RSRC1: variants seen among roughly 807,000 people sequenced by gnomAD.
RSRC1 encodes the protein serine/Arginine-related protein 53.
Under a neutral mutation model 49.1 loss-of-function variants are expected in RSRC1, and 39 were observed. The ratio of observed to expected loss-of-function variants is 0.79; its 90% CI spans 0.61 to 1.04. The LOEUF is 1.04. Ranked by LOEUF, RSRC1 falls within the 50% of genes least tolerant of loss-of-function variation. RSRC1 has a pLI of 0.00. For synonymous variants in RSRC1, 143 were observed against 130.8 expected, an observed-to-expected ratio of 1.09 and a Z score of -0.63; for missense variants, 388 against 402.4, an observed-to-expected ratio of 0.96 and a Z score of 0.31.
chr3:158,451,026 T>C (rs1377132323), intron 6 of RSRC1, among the ~76,000 whole-genome samples: 2 of 152,016 alleles, frequency 1.3e-5, no homozygotes, highest in East Asian at 3.9e-4. Context: ...TTATATTTCC[T>C]TGAGTTCAAA....
At chr3:158,447,197 T>C (rs558533774) in intron 6 of RSRC1, among the ~76,000 whole-genome samples, 1 of 152,050 alleles carries the variant, frequency 6.6e-6, no homozygotes, top group African/African-American at 2.4e-5. Flanking sequence ...GTGTTAGCCT[T>C]TTTAGTATAG....
intron 6 of RSRC1, among the ~76,000 whole-genome samples, chr3:158,388,252 T>A (rs1733067733): frequency 6.6e-6 from 1 of 151,934 alleles, no homozygotes; most frequent in East Asian, 1.9e-4. Flanking sequence ...AAATTATTTT[T>A]AAAAATTGAT....
chr3:158,509,601 T>G (rs1171628126), intron 7 of RSRC1, among the ~76,000 whole-genome samples: 1 of 152,060 alleles, frequency 6.6e-6, no homozygotes, highest in East Asian at 1.9e-4. Flanking sequence ...CTGGGCAACA[T>G]AGCAAGGCCC....
chr3:158,353,268 A>G (rs1730975284), intron 5 of RSRC1, among the ~76,000 whole-genome samples: 7 of 152,194 alleles, frequency 4.6e-5, no homozygotes. Flanking sequence ...TGCTAGAGTG[A>G]TGTATCAAAG....
intron 6 of RSRC1, among the ~76,000 whole-genome samples, chr3:158,431,033 A>T (rs1432586974): frequency 6.6e-6 from 1 of 151,992 alleles, no homozygotes; most frequent in Non-Finnish European, 1.5e-5. Context: ...CAGTAAAGAA[A>T]TAGCTTAATT....
At chr3:158,261,928 G>A (rs1724917285) in intron 4 of RSRC1, among the ~76,000 whole-genome samples, 1 of 152,116 alleles carries the variant, frequency 6.6e-6, no homozygotes, top group African/African-American at 2.4e-5. Flanking sequence ...TAATTGTAAT[G>A]CACTTGAATC....
chr3:158,496,758 A>T (rs774337670), intron 7 of RSRC1: 6 of 288,402 alleles, frequency 2.1e-5, no homozygotes, highest in Non-Finnish European at 3.7e-5. Flanking sequence ...TTTGTGCTGA[A>T]CACCAAATCT....
intron 5 of RSRC1, chr3:158,303,588 G>C (rs1481283343): frequency 6.6e-6 from 1 of 152,128 alleles, no homozygotes; most frequent in Non-Finnish European, 1.5e-5. Context: ...AATGCTGCTG[G>C]TTCAGTGACC....
chr3:158,426,641 G>C (rs1735461335), intron 6 of RSRC1, among the ~76,000 whole-genome samples: 1 of 151,648 alleles, frequency 6.6e-6, no homozygotes, highest in South Asian at 2.1e-4. Flanking sequence ...TAGTATGTTT[G>C]AAATATCCTT....
intron 1 of RSRC1, among the ~76,000 whole-genome samples, chr3:158,117,843 C>T (rs1714942333): frequency 1.3e-5 from 2 of 150,768 alleles, no homozygotes; most frequent in South Asian, 4.1e-4. Flanking sequence ...TTTGGACTTC[C>T]AGATTGATCC....
chr3:158,452,817 G>A (rs528124175), intron 6 of RSRC1, among the ~76,000 whole-genome samples: 19 of 152,236 alleles, frequency 1.2e-4, no homozygotes, highest in Admixed American at 2.6e-4. Context: ...GAGTTCATGT[G>A]TATTTTTAAA....
intron 6 of RSRC1, among the ~76,000 whole-genome samples, chr3:158,408,688 A>T (rs971863852): frequency 6.6e-6 from 1 of 152,186 alleles, no homozygotes; most frequent in Admixed American, 6.5e-5. Context: ...CATTATCCTT[A>T]GCAAACTAAC....
chr3:158,277,812 A>G (rs1212315053), intron 4 of RSRC1, among the ~76,000 whole-genome samples: 1 of 152,144 alleles, frequency 6.6e-6, no homozygotes, highest in East Asian at 1.9e-4. Flanking sequence ...TAGAGACAGC[A>G]TCTCACTCTG....
rs138439765 is a variant in RSRC1 at position 158,441,154 on chromosome 3, A to C, written c.584-19781A>C. On this transcript the variant is annotated intron_variant, in intron 6 of 9. Transcript: ENST00000611884. ...CCTACAGTCTGTTGGAATGTTAACA[A>C]ATGGAATGATAGGACAATTTCTATG... is the stretch of plus-strand genomic sequence containing the variant. 1.3e-3 allele frequency among the ~76,000 whole-genome samples: 192 copies of C among 152,180 alleles called. 2 individuals carry two copies. The East Asian group carries it at 0.029, about 23-fold the overall frequency.
At chr3:158,354,974 G>C in intron 6 of RSRC1, 66 bp downstream of exon 6, 1 of 1,038,906 alleles carries the variant, frequency 9.6e-7, no homozygotes, top group Non-Finnish European at 1.3e-6. Context: ...CTGGTAGCAT[G>C]CTTAGAAATG....
At chr3:158,311,090 T>C (rs565084346) in intron 5 of RSRC1, among the ~76,000 whole-genome samples, 6 of 152,070 alleles carry the variant, frequency 3.9e-5, no homozygotes, top group Admixed American at 2.6e-4. Flanking sequence ...GTCATTGATA[T>C]GTCTTTCTTA....
At chr3:158,532,364 A>G (rs1260255275) in intron 7 of RSRC1, among the ~76,000 whole-genome samples, 1 of 151,922 alleles carries the variant, frequency 6.6e-6, no homozygotes, top group African/African-American at 2.4e-5. Flanking sequence ...TTTGTAATCT[A>G]CAAATGCAGT....
intron 7 of RSRC1, among the ~76,000 whole-genome samples, chr3:158,502,262 G>C (rs1452798772): frequency 6.6e-6 from 1 of 152,116 alleles, no homozygotes; most frequent in African/African-American, 2.4e-5. Flanking sequence ...TCCTTTATAG[G>C]TTACCTGGTA....
At chr3:158,312,819 C>A (rs1728204885) in intron 5 of RSRC1, among the ~76,000 whole-genome samples, 1 of 152,114 alleles carries the variant, frequency 6.6e-6, no homozygotes, top group South Asian at 2.1e-4. Context: ...TGCCACTGCT[C>A]TGGTTAAAGC....
Sources: gnomAD v4.1 joint callset for allele counts (sites outside exome capture counted in the v4.1 genomes callset) on GRCh38, gnomAD v4.1.1 for gene constraint, MANE v1.5 for transcripts, NCBI Gene and HGNC (gene_info 2026-07-23, HGNC 2026-07-21) for gene names.